TBC1D15: variants seen among roughly 807,000 people sequenced by gnomAD.
TBC1D15 encodes the protein GAP for RAB7.
TBC1D15 carries 39 observed loss-of-function variants against 95.4 expected under a neutral mutation model. The ratio of observed to expected loss-of-function variants is 0.41; its 90% confidence interval spans 0.32 to 0.53. The LOEUF (loss-of-function observed/expected upper bound fraction) is 0.53, where lower values mean the gene tolerates loss of function less well. TBC1D15 is among the 20% of genes least tolerant of loss of function. TBC1D15 has a pLI of 0.29. For synonymous variants in TBC1D15, 258 were observed against 261.3 expected, an observed-to-expected ratio of 0.99 and a Z score of 0.12; for missense variants, 733 against 794.3, an observed-to-expected ratio of 0.92 and a Z score of 0.93.
intron 14 of TBC1D15, among the ~76,000 whole-genome samples, chr12:71,918,749 C>T (rs1178370988): frequency 6.6e-6 from 1 of 152,188 alleles, no homozygotes; most frequent in Non-Finnish European, 1.5e-5. Context: ...TTCTTCAAAT[C>T]ACAATCTCTG....
chr12:71,886,040 A>G (rs1382674346), intron 5 of TBC1D15, among the ~76,000 whole-genome samples: 1 of 152,214 alleles, frequency 6.6e-6, no homozygotes, highest in African/African-American at 2.4e-5. Flanking sequence ...TCCAGGTGAG[A>G]TTAAAGTGGC....
At position 71,923,188 on chromosome 12, in the gene TBC1D15, G is replaced by A. The variant is rs766643359; in HGVS notation, c.2009G>A (p.Arg670Lys). The change falls in exon 17 of 17, where the codon AGA (arginine) becomes AAA (lysine). Residue 670 changes from arginine to lysine, a missense_variant. Coordinates refer to ENST00000485960, the MANE Select transcript of TBC1D15 (RefSeq NM_001146213.3). Reference protein sequence around the residue: ...TQIPVSSDVCRLTPA With the variant: ...TQIPVSSDVCKLTPA ...ATACCAGTGTCCTCAGATGTCTGCA[G>A]ATTAACACCTGCATGATCACTGTTC... 5.0e-6 allele frequency: 8 copies of A among 1,614,014 alleles called. No individual in the cohort carries two copies. The highest frequency in any genetic ancestry group is 5.9e-6 in the Non-Finnish European group (7 of 1,180,010).
At chr12:71,840,422 C>G (rs1243973677) in intron 1 of TBC1D15, among the ~76,000 whole-genome samples, 2 of 152,174 alleles carry the variant, frequency 1.3e-5, no homozygotes, top group East Asian at 3.9e-4. Context: ...GGAAGGCGTC[C>G]AAATATTTAT....
At chr12:71,883,667 T>G (rs1328050836) in intron 4 of TBC1D15, among the ~76,000 whole-genome samples, 1 of 152,154 alleles carries the variant, frequency 6.6e-6, no homozygotes, top group Non-Finnish European at 1.5e-5. Flanking sequence ...CTAAGTAGTT[T>G]ATCTTTGTGG....
intron 10 of TBC1D15, among the ~76,000 whole-genome samples, chr12:71,905,163 A>G (rs1297616032): frequency 2.0e-5 from 3 of 152,200 alleles, no homozygotes; most frequent in Non-Finnish European, 4.4e-5. Flanking sequence ...ACAAGAAGAA[A>G]TACTGATAGT....
chr12:71,851,943 G>A (rs763346654), intron 1 of TBC1D15, among the ~76,000 whole-genome samples: 7 of 152,180 alleles, frequency 4.6e-5, no homozygotes, highest in Non-Finnish European at 8.8e-5. Context: ...AGCTCCACTA[G>A]GCAGTGCTCT....
At chr12:71,851,180 A>G (rs1420332564) in intron 1 of TBC1D15, among the ~76,000 whole-genome samples, 2 of 152,066 alleles carry the variant, frequency 1.3e-5, no homozygotes, top group Admixed American at 6.6e-5. Flanking sequence ...CACATAGAGC[A>G]GGAGGAAGGG....
At chr12:71,891,115 C>T (rs1407696581) in intron 5 of TBC1D15, among the ~76,000 whole-genome samples, 3 of 152,110 alleles carry the variant, frequency 2.0e-5, no homozygotes, top group African/African-American at 7.2e-5. Flanking sequence ...GATTGATAAT[C>T]TCTGCAATGC....
intron 1 of TBC1D15, among the ~76,000 whole-genome samples, chr12:71,848,006 A>T (rs530602990): frequency 6.6e-6 from 1 of 152,280 alleles, no homozygotes; most frequent in South Asian, 2.1e-4. Flanking sequence ...CTGAGACAGG[A>T]GAATCGCTTG....
intron 11 of TBC1D15, chr12:71,913,228 G>A (rs753605104): frequency 1.3e-5 from 2 of 152,068 alleles, no homozygotes; most frequent in Non-Finnish European, 2.9e-5. Flanking sequence ...AAAGAAGGAC[G>A]TAGATATGAC....
At chr12:71,897,811 A>G (rs372046217) in intron 9 of TBC1D15, 36 bp from the exon 10 acceptor site, 9 of 1,545,132 alleles carry the variant, frequency 5.8e-6, no homozygotes, top group Non-Finnish European at 8.0e-6. Context: ...TAAAGTTTTC[A>G]AATAGCTTTC....
At position 71,923,886 on chromosome 12, in the gene TBC1D15, A is replaced by G. The variant is rs1348936430; in HGVS notation, c.*682A>G. On this transcript the variant is annotated 3_prime_UTR_variant, in exon 17 of 17. Transcript: ENST00000485960. The stretch of plus-strand genomic sequence containing the variant: ...AGGCATATTTTCATTAACTGAATAA[A>G]CGACTTGATTTATATAACCTGGTTT... The G allele has an allele frequency of 6.6e-6, 1 of 152,552 alleles. No homozygotes were observed. The highest frequency in any genetic ancestry group is 6.5e-5 in the Admixed American group (1 of 15,280). The allele number at this position is 152,552 out of a possible 1,614,324, so 9.4% of individuals were successfully genotyped here.
At chr12:71,867,936 A>C (rs1296684534) in intron 1 of TBC1D15, among the ~76,000 whole-genome samples, 1 of 152,236 alleles carries the variant, frequency 6.6e-6, no homozygotes. Flanking sequence ...TATTGGAAGT[A>C]AATTATGTAC....
chr12:71,917,030 A>G (rs1165235201), intron 12 of TBC1D15, among the ~76,000 whole-genome samples: 1 of 152,176 alleles, frequency 6.6e-6, no homozygotes, highest in Non-Finnish European at 1.5e-5. Context: ...TTTAATGAAA[A>G]GTAACCTTTC....
At chr12:71,891,689 C>T (rs1897229465) in intron 5 of TBC1D15, among the ~76,000 whole-genome samples, 1 of 152,004 alleles carries the variant, frequency 6.6e-6, no homozygotes, top group South Asian at 2.1e-4. Flanking sequence ...CTCCACCCTC[C>T]ATCACACAAC....
chr12:71,861,910 T>G (rs1216054377), intron 1 of TBC1D15, among the ~76,000 whole-genome samples: 1 of 125,670 alleles, frequency 8.0e-6, no homozygotes, highest in Non-Finnish European at 1.6e-5. Flanking sequence ...TTCAAGAAAT[T>G]TAAAAAAATT....
At chr12:71,846,777 CCT>C (rs1407449931) in intron 1 of TBC1D15, among the ~76,000 whole-genome samples, 1 of 126,936 alleles carries the variant, frequency 7.9e-6, no homozygotes, top group African/African-American at 3.1e-5. Context: ...TTTTTTTTGC[CCT>C]GAGACATGGC....
chr12:71,894,324 G>T, intron 6 of TBC1D15: 1 of 1,612,328 alleles, frequency 6.2e-7, no homozygotes, highest in Non-Finnish European at 8.5e-7. Flanking sequence ...TTTGTATGAA[G>T]GCAGGACTGC....
intron 1 of TBC1D15, among the ~76,000 whole-genome samples, chr12:71,856,592 T>C (rs1365184944): frequency 1.3e-5 from 2 of 152,172 alleles, no homozygotes; most frequent in East Asian, 1.9e-4. Flanking sequence ...TTTTCCTGAC[T>C]TATTTTTTTT....
Sources: gnomAD v4.1 joint callset for allele counts (sites outside exome capture counted in the v4.1 genomes callset) on GRCh38, gnomAD v4.1.1 for gene constraint, MANE v1.5 for transcripts, NCBI Gene and HGNC (gene_info 2026-07-23, HGNC 2026-07-21) for gene names.